PRXL2C: variants seen among roughly 807,000 people sequenced by gnomAD.
PRXL2C encodes peroxiredoxin like 2C, also known as peroxiredoxin-like 2C.
A neutral mutation model predicts 24.9 loss-of-function variants in PRXL2C; 38 were observed. The ratio of observed to expected loss-of-function variants is 1.53; its 90% CI spans 1.18 to 2.00. PRXL2C has a LOEUF of 2.00. Among genes scored for constraint, PRXL2C ranks in the 30% most tolerant of loss-of-function variants. PRXL2C has a pLI of 0.00. For synonymous variants in PRXL2C, 98 were observed against 117.2 expected, an observed-to-expected ratio of 0.84 and a Z score of 1.06; for missense variants, 294 against 290.9, an observed-to-expected ratio of 1.01 and a Z score of -0.08.
chr9:96,644,881 C>CTTTTTTTTT lies in PRXL2C; in HGVS notation c.553+1003_553+1011dup, dbSNP rs530343244. Reference sequence around the variant, plus strand: ...TTAGGTATAAATAACTACATGGATTCTTTTTTTTTTTTTTTTTTTTTTTTT... The same window carrying CTTTTTTTTT: ...TTAGGTATAAATAACTACATGGATTCTTTTTTTTTTTTTTTTTTTTTTTTTTTTTTTTTT... On this transcript the variant is annotated intron_variant, in intron 5 of 5. Coordinates refer to ENST00000375234, the MANE Select transcript of PRXL2C (RefSeq NM_153698.2). Among the ~76,000 whole-genome samples, 31 of 36,692 alleles carry CTTTTTTTTT rather than the reference C, an allele frequency of 8.4e-4. 6 individuals are homozygous for CTTTTTTTTT. The highest frequency in any genetic ancestry group is 1.5e-3 in the East Asian group (1 of 650). The allele number at this position is 36,692 out of a possible 152,430, so 24.1% of individuals were successfully genotyped here.
At position 96,640,780 on chromosome 9, in the gene PRXL2C, C is replaced by T. The variant is rs1564406774; in HGVS notation, c.*979G>A. ...CCGGGAGGCGGAACTTGCAGTGAGC[C>T]GAGATCATGCCACTGCACTCCAGCC... On this transcript the variant is annotated 3_prime_UTR_variant, in exon 6 of 6. Coordinates refer to ENST00000375234, the MANE Select transcript of PRXL2C (RefSeq NM_153698.2). 4 of 139,112 alleles carry T rather than the reference C, an allele frequency of 2.9e-5. No homozygotes were observed. The highest frequency in any genetic ancestry group is 4.7e-4 in the South Asian group (2 of 4,278). 8.6% of individuals were successfully genotyped at this position (139,112 alleles called of 1,614,324 possible). A position where few individuals can be genotyped will look rare whatever the true frequency, so the allele number is the denominator to read the frequency against.
rs528772616 is a variant in PRXL2C, at chr9:96,641,662, G to A, written c.*97C>T. 2.0e-5 allele frequency: 25 copies of A among 1,255,270 alleles called. No individual in the cohort carries two copies. The African/African-American group carries it at 3.0e-4, about 15-fold the overall frequency. The allele number at this position is 1,255,270 out of a possible 1,614,324, so 77.8% of individuals were successfully genotyped here. The stretch of plus-strand genomic sequence containing the variant: ...TCCCTAACTCCTCAAAGGCTGGGAA[G>A]GGACAGCAGGTTAGACACTGCACGA... On this transcript the variant is annotated 3_prime_UTR_variant, in exon 6 of 6. Transcript: ENST00000375234.
In PRXL2C at chr9:96,641,027, G is replaced by A. The variant is rs1269928994; in HGVS notation, c.*732C>T. The A allele has an allele frequency of 2.0e-5, 3 of 151,980 alleles. No individual in the cohort carries two copies. The highest frequency in any genetic ancestry group is 4.1e-4 in the South Asian group (2 of 4,826). 9.4% of individuals were successfully genotyped at this position (151,980 alleles called of 1,614,324 possible). A position where few individuals can be genotyped will look rare whatever the true frequency, so the allele number is the denominator to read the frequency against. The stretch of plus-strand genomic sequence containing the variant: ...GACACTGGCTATATGTGAAATGTTC[G>A]GATTGCCACACTTCCTCTGAGTAAA... On this transcript the variant is annotated 3_prime_UTR_variant, in exon 6 of 6. Coordinates refer to ENST00000375234, the MANE Select transcript of PRXL2C (RefSeq NM_153698.2).
chr9:96,650,814 ACGCGTGCACACAC>A (rs139762694), intron 4 of PRXL2C, among the ~76,000 whole-genome samples: 7,549 of 152,254 alleles, frequency 0.05, 624 homozygotes, highest in African/African-American at 0.17. Flanking sequence ...TCATGTGCGC[ACGCGTGCACACAC>A]GATCTTTATG....
chr9:96,648,506 T>C (rs1428015385), intron 4 of PRXL2C, among the ~76,000 whole-genome samples: 1 of 152,056 alleles, frequency 6.6e-6, no homozygotes, highest in East Asian at 1.9e-4. Context: ...AGTAAGACTA[T>C]TCTGAGACTG....
At chr9:96,651,286 CA>C in intron 4 of PRXL2C, 103 bp downstream of exon 4, 3 of 884,922 alleles carry the variant, frequency 3.4e-6, no homozygotes, top group Non-Finnish European at 5.1e-6. Flanking sequence ...TCAAAAAAAA[CA>C]AAAAAGCCTG....
chr9:96,648,886 G>A (rs879796736), intron 4 of PRXL2C, among the ~76,000 whole-genome samples: 2 of 152,010 alleles, frequency 1.3e-5, no homozygotes, highest in African/African-American at 2.4e-5. Flanking sequence ...CAATTCTCCT[G>A]CCTCAGTCTC....
Position 96,651,413 on chromosome 9 carries a change from CTT to C in PRXL2C, c.396_397del (p.Gly134Ter), listed in dbSNP as rs777667294. 7.4e-6 allele frequency: 12 copies of C among 1,612,344 alleles called. No individual in the cohort carries two copies. The highest frequency in any genetic ancestry group is 1.0e-5 in the Non-Finnish European group (12 of 1,179,544). On this transcript the variant is annotated frameshift_variant, in exon 4 of 6. Coordinates refer to ENST00000375234, the MANE Select transcript of PRXL2C (RefSeq NM_153698.2). LOFTEE classifies it high-confidence loss of function. ...ACCTGAGGAAGCAATTTCTTCACCT[CTT>C]TTCATTCCCAATCTTTTATAAATTT...
intron 5 of PRXL2C, among the ~76,000 whole-genome samples, chr9:96,644,856 T>C (rs986002643): frequency 4.7e-5 from 7 of 150,112 alleles, no homozygotes; most frequent in Non-Finnish European, 1.0e-4. Flanking sequence ...CCTAGTTTTG[T>C]TAGGTATAAA....
At chr9:96,653,904 A>C (rs950946581) in intron 2 of PRXL2C, among the ~76,000 whole-genome samples, 1 of 151,296 alleles carries the variant, frequency 6.6e-6, no homozygotes, top group African/African-American at 2.4e-5. Context: ...GCAGTGGTGC[A>C]ATTTCGGCTC....
chr9:96,652,269 A>C (rs937535350), intron 2 of PRXL2C, among the ~76,000 whole-genome samples: 4 of 152,232 alleles, frequency 2.6e-5, no homozygotes, highest in Non-Finnish European at 5.9e-5. Flanking sequence ...TTACGCCTGT[A>C]ATCCCAGCAC....
In PRXL2C at chr9:96,640,175, T is replaced by A. The variant is rs888626793; in HGVS notation, c.*1584A>T. The A allele has an allele frequency of 6.6e-5, 10 of 151,906 alleles. No individual in the cohort carries two copies. The highest frequency in any genetic ancestry group is 2.4e-4 in the African/African-American group (10 of 41,348). 9.4% of individuals were successfully genotyped at this position (151,906 alleles called of 1,614,324 possible). Reference sequence around the variant, plus strand: ...CAGTTTGAGGGTGAGAAATAGCAGTTCTCTAGGAATGCATAACTAAACCAT... The same window carrying A: ...CAGTTTGAGGGTGAGAAATAGCAGTACTCTAGGAATGCATAACTAAACCAT... On this transcript the variant is annotated 3_prime_UTR_variant, in exon 6 of 6. Coordinates refer to ENST00000375234, the MANE Select transcript of PRXL2C (RefSeq NM_153698.2).
In PRXL2C at chr9:96,641,528, A is replaced by AT. The variant is rs145187742; in HGVS notation, c.*230dup. 7.6e-5 allele frequency: 25 copies of AT among 330,086 alleles called. No individual in the cohort carries two copies. The highest frequency in any genetic ancestry group is 1.9e-4 in the East Asian group (4 of 20,818). 20.4% of individuals were successfully genotyped at this position (330,086 alleles called of 1,614,324 possible). On this transcript the variant is annotated 3_prime_UTR_variant, in exon 6 of 6. Transcript: ENST00000375234. Reference sequence around the variant, plus strand: ...TTTTAAAGTTATATTTTGTATATTCATTTTTTTTGTATAAAATGTTAAAAG... The same window carrying AT: ...TTTTAAAGTTATATTTTGTATATTCATTTTTTTTTGTATAAAATGTTAAAAG...
In PRXL2C at chr9:96,640,948, C is replaced by T. The variant is rs1588098630; in HGVS notation, c.*811G>A. 2 of 152,138 alleles carry T rather than the reference C, an allele frequency of 1.3e-5. No individual in the cohort carries two copies. Among genetic ancestry groups the T allele is most frequent in the Admixed American group, 6.6e-5 (1 of 15,260 alleles). 9.4% of individuals were successfully genotyped at this position (152,138 alleles called of 1,614,324 possible). A position where few individuals can be genotyped will look rare whatever the true frequency, so the allele number is the denominator to read the frequency against. On this transcript the variant is annotated 3_prime_UTR_variant, in exon 6 of 6. Transcript: ENST00000375234. ...TTTTTTCTCCATAGCTCCCCCAACC[C>T]CCCAAAATCCTAGTGAAACGGATAG...
chr9:96,647,079 C>G (rs912069510), intron 4 of PRXL2C, among the ~76,000 whole-genome samples: 1 of 152,130 alleles, frequency 6.6e-6, no homozygotes, highest in African/African-American at 2.4e-5. Context: ...CATAAGCCAC[C>G]GCAGCCGGTC....
intron 5 of PRXL2C, among the ~76,000 whole-genome samples, chr9:96,643,171 C>T (rs929663740): frequency 6.6e-6 from 1 of 152,134 alleles, no homozygotes; most frequent in Admixed American, 6.6e-5. Context: ...GGAACCAATC[C>T]GCCATGGATG....
chr9:96,647,458 A>G (rs1327122567), intron 4 of PRXL2C, among the ~76,000 whole-genome samples: 3 of 152,168 alleles, frequency 2.0e-5, no homozygotes, highest in Admixed American at 6.5e-5. Flanking sequence ...CATTATAATG[A>G]GCATTTATCT....
At chr9:96,645,116 A>T (rs377203847) in intron 5 of PRXL2C, among the ~76,000 whole-genome samples, 2 of 151,082 alleles carry the variant, frequency 1.3e-5, no homozygotes, top group African/African-American at 4.9e-5. Context: ...TCACCGTGTT[A>T]GCCAGGATGG....
intron 2 of PRXL2C, 127 bp from the exon 3 acceptor site, chr9:96,651,839 C>T (rs1046169210): frequency 2.9e-6 from 2 of 683,460 alleles, no homozygotes; most frequent in Non-Finnish European, 4.7e-6. Flanking sequence ...ATGGAATACA[C>T]AGCAAAATTG....
Sources: gnomAD v4.1 joint callset for allele counts (sites outside exome capture counted in the v4.1 genomes callset) on GRCh38, gnomAD v4.1.1 for gene constraint, MANE v1.5 for transcripts, NCBI Gene and HGNC (gene_info 2026-07-23, HGNC 2026-07-21) for gene names.